The following ELMO1 variants were observed in gnomAD, a reference collection of about 807,000 sequenced individuals.
The protein encoded by ELMO1 is engulfment and cell motility protein 1.
A neutral mutation model predicts 98.9 loss-of-function variants in ELMO1; 26 were observed. That is an observed-to-expected ratio of 0.26 (90% CI 0.19 to 0.36). ELMO1 has a LOEUF of 0.36. Among genes scored for constraint, ELMO1 ranks in the 10% least tolerant of loss-of-function variants. The probability of loss-of-function intolerance (pLI) is 1.00; values close to 1 mark genes in which losing one functional copy is unlikely to be tolerated. For missense variants in ELMO1, 627 were observed against 935.2 expected, an observed-to-expected ratio of 0.67 and a Z score of 4.30; for synonymous variants, 346 against 346.0, an observed-to-expected ratio of 1.00 and a Z score of 0.00.
At chr7:37,109,800 T>TTAAC (rs1005673371) in intron 14 of ELMO1, among the ~76,000 whole-genome samples, 1 of 152,216 alleles carries the variant, frequency 6.6e-6, no homozygotes, top group African/African-American at 2.4e-5. Flanking sequence ...TGCCTCTCAG[T>TTAAC]TAACTCTTGG....
At chr7:37,418,916 C>G (rs900784726) in intron 1 of ELMO1, among the ~76,000 whole-genome samples, 1 of 152,028 alleles carries the variant, frequency 6.6e-6, no homozygotes, top group Non-Finnish European at 1.5e-5. Flanking sequence ...GTCGGGTACT[C>G]GCAACAAGAC....
At chr7:37,195,227 T>C (rs1273408016) in intron 13 of ELMO1, among the ~76,000 whole-genome samples, 1 of 152,196 alleles carries the variant, frequency 6.6e-6, no homozygotes, top group East Asian at 1.9e-4. Flanking sequence ...TCCAGAGTGA[T>C]AAGGAGTTCA....
chr7:37,104,916 G>A (rs1323759206), intron 14 of ELMO1, among the ~76,000 whole-genome samples: 2 of 151,744 alleles, frequency 1.3e-5, no homozygotes, highest in African/African-American at 4.8e-5. Flanking sequence ...ACAAATGAGA[G>A]GAATGGTATA....
chr7:37,228,385 C>G (rs528982257), intron 8 of ELMO1, among the ~76,000 whole-genome samples: 1 of 152,112 alleles, frequency 6.6e-6, no homozygotes, highest in Non-Finnish European at 1.5e-5. Flanking sequence ...ATAATGATTC[C>G]CTCTGCCTTT....
chr7:37,254,761 A>G (rs1795550349), intron 6 of ELMO1, among the ~76,000 whole-genome samples: 1 of 152,246 alleles, frequency 6.6e-6, no homozygotes, highest in African/African-American at 2.4e-5. Context: ...GTTCTTATGC[A>G]GTGCGTGACT....
intron 13 of ELMO1, among the ~76,000 whole-genome samples, chr7:37,185,579 G>A (rs889471722): frequency 5.3e-5 from 8 of 152,092 alleles, no homozygotes; most frequent in South Asian, 4.1e-4. Flanking sequence ...TATATATAAC[G>A]TGGAAGGACC....
In ELMO1 at chr7:37,148,111, C is replaced by A. The variant is rs147524325; in HGVS notation, c.1087-14877G>T. The stretch of plus-strand genomic sequence containing the variant: ...AGGCAAATAACCACTAGATGCCTTG[C>A]AACCCCTAGAGTTCCTTCTTCTCAT... On this transcript the variant is annotated intron_variant, in intron 13 of 21. Transcript: ENST00000310758. Among the ~76,000 whole-genome samples the A allele has an allele frequency of 1.3e-3, 194 of 152,336 alleles. 1 individual carries two copies. The highest frequency in any genetic ancestry group is 4.4e-3 in the African/African-American group (181 of 41,580).
intron 4 of ELMO1, among the ~76,000 whole-genome samples, chr7:37,288,576 G>C (rs527434976): frequency 7.8e-4 from 119 of 152,240 alleles, no homozygotes; most frequent in African/African-American, 2.2e-3. Flanking sequence ...AGCAATCTTG[G>C]CCAAGGCCTA....
chr7:37,013,235 G>C, intron 16 of ELMO1, 64 bp downstream of exon 16: 26 of 1,592,182 alleles, frequency 1.6e-5, no homozygotes, highest in Non-Finnish European at 2.2e-5. Flanking sequence ...ACAGCCAAGG[G>C]ACCATGCAGC....
In ELMO1 at chr7:37,084,252, T is replaced by C. The variant is rs553415612; in HGVS notation, c.1300+12367A>G. ...CTTATTTTAGAAGAAAACAAGAATG[T>C]TGTTTGAGAGGTTTCAGGGTAAAAT... On this transcript the variant is annotated intron_variant, in intron 15 of 21. Transcript: ENST00000310758. 2.0e-5 allele frequency among the ~76,000 whole-genome samples: 3 copies of C among 152,320 alleles called. No homozygotes were observed. The South Asian group carries it at 6.2e-4, about 32-fold the overall frequency.
At chr7:37,288,406 G>A (rs1030980159) in intron 4 of ELMO1, among the ~76,000 whole-genome samples, 1 of 152,180 alleles carries the variant, frequency 6.6e-6, no homozygotes, top group African/African-American at 2.4e-5. Flanking sequence ...TGTATTATTA[G>A]TAGAGATGGG....
rs562154098 is a variant in ELMO1, at chr7:37,297,850, T to A, written c.192+17000A>T. 9.2e-5 allele frequency among the ~76,000 whole-genome samples: 14 copies of A among 152,362 alleles called. No individual in the cohort carries two copies. In the South Asian group the frequency reaches 1.0e-3, roughly 11 times the overall value. On this transcript the variant is annotated intron_variant, in intron 4 of 21. Transcript: ENST00000310758. ...GCTGAGTATACTAACTACTGTGTTATGATGGCTGCTATATATTAAGTCTAG... is the reference window on the plus strand; with the variant it reads ...GCTGAGTATACTAACTACTGTGTTAAGATGGCTGCTATATATTAAGTCTAG...
At position 37,122,986 on chromosome 7, in the gene ELMO1, CA is replaced by C. The variant is rs1343460686; in HGVS notation, c.1191+10143del. On this transcript the variant is annotated intron_variant, in intron 14 of 21. Transcript: ENST00000310758. ...GGAACTCAGGATTAAGAAACCCACT[CA>C]AAACTGCTCAACTACATGGAAACTG... is the stretch of plus-strand genomic sequence containing the variant. 3.3e-5 allele frequency among the ~76,000 whole-genome samples: 5 copies of C among 152,128 alleles called. No homozygotes were observed. The East Asian group carries it at 9.6e-4, about 29-fold the overall frequency.
chr7:36,977,019 G>A (rs948619376), intron 16 of ELMO1, among the ~76,000 whole-genome samples: 11 of 152,148 alleles, frequency 7.2e-5, no homozygotes, highest in Admixed American at 3.3e-4. Flanking sequence ...CTTACTAACC[G>A]GATAATAAGC....
At chr7:36,928,738 C>T (rs1785783209) in intron 16 of ELMO1, among the ~76,000 whole-genome samples, 1 of 152,174 alleles carries the variant, frequency 6.6e-6, no homozygotes, top group Non-Finnish European at 1.5e-5. Flanking sequence ...AGTCATCCCA[C>T]CCACCAGGGC....
chr7:37,066,470 C>A (rs931712048), intron 15 of ELMO1, among the ~76,000 whole-genome samples: 1 of 152,190 alleles, frequency 6.6e-6, no homozygotes, highest in Non-Finnish European at 1.5e-5. Context: ...CCTTGGTACC[C>A]AGTACCCAGG....
At chr7:37,133,022 C>A (rs1787033650) in intron 14 of ELMO1, 108 bp downstream of exon 14, 16 of 626,634 alleles carry the variant, frequency 2.6e-5, no homozygotes, top group South Asian at 1.6e-4. Context: ...CTAAGAAAGA[C>A]AGAAAATATG....
At chr7:37,296,624 G>C (rs1371333676) in intron 4 of ELMO1, among the ~76,000 whole-genome samples, 1 of 149,512 alleles carries the variant, frequency 6.7e-6, no homozygotes, top group East Asian at 2.0e-4. Context: ...TAACACTAGG[G>C]GTGTGGGAAT....
At chr7:36,944,588 C>T (rs1402120269) in intron 16 of ELMO1, among the ~76,000 whole-genome samples, 1 of 152,214 alleles carries the variant, frequency 6.6e-6, no homozygotes, top group Admixed American at 6.5e-5. Flanking sequence ...TGTAATTTTA[C>T]TCATGAAGCA....
Sources: allele counts gnomAD v4.1 joint callset (sites outside exome capture counted in the v4.1 genomes callset), GRCh38; gene constraint gnomAD v4.1.1; transcripts MANE v1.5; gene names NCBI Gene and HGNC (gene_info 2026-07-23, HGNC 2026-07-21).